The following WSCD1 variants were observed in gnomAD, a reference collection of about 807,000 sequenced individuals.
WSCD1 encodes the protein sialate:O-sulfotransferase 1.
A neutral mutation model predicts 60.4 loss-of-function variants in WSCD1; 41 were observed. The observed-to-expected ratio is 0.68, with a 90% confidence interval of 0.53 to 0.88. The LOEUF (loss-of-function observed/expected upper bound fraction) is 0.88. WSCD1 is among the 40% of genes least tolerant of loss of function. The pLI is 0.00. For missense variants in WSCD1, 784 were observed against 796.2 expected, an observed-to-expected ratio of 0.98 and a Z score of 0.18; for synonymous variants, 361 against 332.5, an observed-to-expected ratio of 1.09 and a Z score of -0.93.
Position 6,109,721 on chromosome 17 carries a change from C to T in WSCD1, c.964C>T (p.Gln322Ter). Residue 322 changes from glutamine to a stop codon, truncating the protein, a stop_gained, in exon 6 of 9, where the codon CAG becomes TAG. Transcript: ENST00000317744. LOFTEE classifies it high-confidence loss of function. Reference sequence around the variant, plus strand: ...AGTATGTGGCCAGGACCCTGAGGCACAGAGGCTGGCAGAATACTGTGAGGT... The same window carrying T: ...AGTATGTGGCCAGGACCCTGAGGCATAGAGGCTGGCAGAATACTGTGAGGT... ...SSVCGQDPEA[Q>*]RLAEYCEVYQ... 1 of 1,614,142 alleles carries T rather than the reference C, an allele frequency of 6.2e-7. No homozygotes were observed. The highest frequency in any genetic ancestry group is 8.5e-7 in the Non-Finnish European group (1 of 1,180,010).
rs2150576322 is a variant in WSCD1, at chr17:6,122,942, T to A, written c.*2281T>A. ...GCACTTGGCAGGTACTCCTGGATGT[T>A]GATGAGCAAGGAAGAGCAACGGCCC... is the stretch of plus-strand genomic sequence containing the variant. On this transcript the variant is annotated 3_prime_UTR_variant, in exon 9 of 9. Transcript: ENST00000317744. 6.6e-6 allele frequency: 1 copy of A among 152,330 alleles called. No individual in the cohort carries two copies. The highest frequency in any genetic ancestry group is 1.5e-5 in the Non-Finnish European group (1 of 68,070). 9.4% of individuals were successfully genotyped at this position (152,330 alleles called of 1,614,324 possible).
At chr17:6,070,181 A>G (rs1908437465), upstream of WSCD1, among the ~76,000 whole-genome samples, 1 of 142,742 alleles carries the variant, frequency 7.0e-6, no homozygotes, top group Admixed American at 7.0e-5. Flanking sequence ...TGTGTGTATC[A>G]GAGTGGGTGG....
At chr17:6,069,774 GGTGTGTGT>G (rs746125445), upstream of WSCD1, among the ~76,000 whole-genome samples, 61 of 106,584 alleles carry the variant, frequency 5.7e-4, no homozygotes, top group African/African-American at 1.7e-3. Flanking sequence ...ACGGTGATCC[GGTGTGTGT>G]GTGTGTGTGT....
intron 2 of WSCD1, 119 bp from the exon 3 acceptor site, chr17:6,087,871 T>A: frequency 1.4e-6 from 1 of 724,418 alleles, no homozygotes; most frequent in Non-Finnish European, 2.3e-6. Flanking sequence ...GCAGCACTCA[T>A]CTCCCGGGTT....
chr17:6,071,610 T>G (rs143820045), intron 1 of WSCD1, among the ~76,000 whole-genome samples: 1,860 of 152,350 alleles, frequency 0.012, 34 homozygotes, highest in African/African-American at 0.041. Context: ...ATGGAGGCAC[T>G]TGGTTTATCC....
chr17:6,084,009 T>C (rs1297181799), intron 2 of WSCD1, among the ~76,000 whole-genome samples: 2 of 152,104 alleles, frequency 1.3e-5, no homozygotes, highest in Non-Finnish European at 2.9e-5. Flanking sequence ...ACTATGGTCT[T>C]ATCAGTTGTT....
Position 6,121,058 on chromosome 17 carries a change from C to T in WSCD1, c.*397C>T, listed in dbSNP as rs1904667007. Reference sequence around the variant, plus strand: ...TGGCTGTCTCTCTCACACAGATACACGTGCGCTCCCTGGGATCCGGGAGGC... The same window carrying T: ...TGGCTGTCTCTCTCACACAGATACATGTGCGCTCCCTGGGATCCGGGAGGC... On this transcript the variant is annotated 3_prime_UTR_variant, in exon 9 of 9. Coordinates refer to ENST00000317744, the MANE Select transcript of WSCD1 (RefSeq NM_015253.2). The T allele has an allele frequency of 9.5e-6, 2 of 210,408 alleles. No individual in the cohort carries two copies. Among genetic ancestry groups the T allele is most frequent in the South Asian group, 2.0e-4 (2 of 10,198 alleles). 13.0% of individuals were successfully genotyped at this position (210,408 alleles called of 1,614,324 possible).
chr17:6,111,700 C>CAA (rs111930086), intron 7 of WSCD1, among the ~76,000 whole-genome samples: 140 of 41,042 alleles, frequency 3.4e-3, no homozygotes, highest in African/African-American at 0.01. Context: ...CACTCCGTCT[C>CAA]AAAAAAAAAA....
At position 6,120,974 on chromosome 17, in the gene WSCD1, A is replaced by C; in HGVS notation, c.*313A>C. Reference sequence around the variant, plus strand: ...GTGTGCCAGGCACCCCCAGATACAAATGCAGCCACGCACAGACGTAACACA... The same window carrying C: ...GTGTGCCAGGCACCCCCAGATACAACTGCAGCCACGCACAGACGTAACACA... On this transcript the variant is annotated 3_prime_UTR_variant, in exon 9 of 9. Coordinates refer to ENST00000317744, the MANE Select transcript of WSCD1 (RefSeq NM_015253.2). The C allele has an allele frequency of 2.6e-4, 97 of 371,402 alleles. No individual in the cohort carries two copies. Among genetic ancestry groups the C allele is most frequent in the Middle Eastern group, 7.8e-4 (1 of 1,286 alleles). 23.0% of individuals were successfully genotyped at this position (371,402 alleles called of 1,614,324 possible).
At chr17:6,094,680 GGGAA>G (rs901036031) in intron 4 of WSCD1, among the ~76,000 whole-genome samples, 29 of 146,574 alleles carry the variant, frequency 2.0e-4, no homozygotes, top group East Asian at 6.1e-4. Context: ...AAGCAAGAGA[GGGAA>G]GGAAGGAAGG....
chr17:6,103,649 A>G (rs1197766699), intron 5 of WSCD1, among the ~76,000 whole-genome samples: 1 of 152,180 alleles, frequency 6.6e-6, no homozygotes, highest in Non-Finnish European at 1.5e-5. Context: ...TCATATGCAT[A>G]GAGTGGATAT....
rs995079844 is a variant in WSCD1 at position 6,101,125 on chromosome 17, G to T, written c.849+5902G>T. Among the ~76,000 whole-genome samples the T allele has an allele frequency of 6.6e-6, 1 of 152,136 alleles. No homozygotes were observed. The highest frequency in any genetic ancestry group is 2.4e-5 in the African/African-American group (1 of 41,432). Reference sequence around the variant, plus strand: ...TTGCCTGCTCTGAAGTGCCAAGCACGTCCTCTCTGGAAAGGCCAGTGGTGT... The same window carrying T: ...TTGCCTGCTCTGAAGTGCCAAGCACTTCCTCTCTGGAAAGGCCAGTGGTGT... On this transcript the variant is annotated intron_variant, in intron 5 of 8. Transcript: ENST00000317744. The surrounding 1 kb of genome is among the most constrained non-coding windows in gnomAD (Gnocchi z 4.1).
At position 6,110,637 on chromosome 17, in the gene WSCD1, C is replaced by T; in HGVS notation, c.1010-134C>T. 2 of 1,208,718 alleles carry T rather than the reference C, an allele frequency of 1.7e-6. No homozygotes were observed. Among genetic ancestry groups the T allele is most frequent in the Non-Finnish European group, 2.3e-6 (2 of 859,452 alleles). The allele number at this position is 1,208,718 out of a possible 1,614,324, so 74.9% of individuals were successfully genotyped here. On this transcript the variant is annotated intron_variant, in intron 6 of 8. Coordinates refer to ENST00000317744, the MANE Select transcript of WSCD1 (RefSeq NM_015253.2). This position sits in a 1 kb window ranked among gnomAD's most constrained non-coding sequence, Gnocchi z 4.8. ...CTAAGGTATATTTGGAAGATCTCTT[C>T]CCTTCTTTGGGCCTTGGTTCCCCCA...
intron 7 of WSCD1, among the ~76,000 whole-genome samples, chr17:6,114,523 AATG>A (rs1287537344): frequency 1.3e-5 from 2 of 152,166 alleles, no homozygotes; most frequent in African/African-American, 4.8e-5. Flanking sequence ...AGCTCAAAGA[AATG>A]ATAAATGTTT....
chr17:6,120,993 T>C lies in WSCD1; in HGVS notation c.*332T>C. On this transcript the variant is annotated 3_prime_UTR_variant, in exon 9 of 9. Coordinates refer to ENST00000317744, the MANE Select transcript of WSCD1 (RefSeq NM_015253.2). ...ATACAAATGCAGCCACGCACAGACGTAACACACAGGTGCCAGGCCGTGTGC... is the reference window on the plus strand; with the variant it reads ...ATACAAATGCAGCCACGCACAGACGCAACACACAGGTGCCAGGCCGTGTGC... 1 of 326,544 alleles carries C rather than the reference T, an allele frequency of 3.1e-6. No homozygotes were observed. The highest frequency in any genetic ancestry group is 4.3e-5 in the South Asian group (1 of 23,256). The allele number at this position is 326,544 out of a possible 1,614,324, so 20.2% of individuals were successfully genotyped here. A position where few individuals can be genotyped will look rare whatever the true frequency, so the allele number is the denominator to read the frequency against.
Position 6,118,605 on chromosome 17 carries a change from A to G in WSCD1, c.1375+417A>G, listed in dbSNP as rs1904450486. ...GTGTTCAGCACCAGGTTCCTCTTTTATAGAATGAGACCTGCACCTTGTGGG... is the reference window on the plus strand; with the variant it reads ...GTGTTCAGCACCAGGTTCCTCTTTTGTAGAATGAGACCTGCACCTTGTGGG... On this transcript the variant is annotated intron_variant, in intron 8 of 8. Coordinates refer to ENST00000317744, the MANE Select transcript of WSCD1 (RefSeq NM_015253.2). The surrounding 1 kb of genome is among the most constrained non-coding windows in gnomAD (Gnocchi z 5.8). Among the ~76,000 whole-genome samples, 1 of 152,108 alleles carries G rather than the reference A, an allele frequency of 6.6e-6. No homozygotes were observed. The highest frequency in any genetic ancestry group is 6.5e-5 in the Admixed American group (1 of 15,282).
intron 5 of WSCD1, among the ~76,000 whole-genome samples, chr17:6,103,736 G>A (rs1910936098): frequency 6.6e-6 from 1 of 152,194 alleles, no homozygotes; most frequent in African/African-American, 2.4e-5. Context: ...GTGGAGAAAA[G>A]TGAATGCTGT....
rs192357844 is a variant in WSCD1 at position 6,106,146 on chromosome 17, C to T, written c.850-3461C>T. Among the ~76,000 whole-genome samples the T allele has an allele frequency of 4.4e-4, 67 of 152,316 alleles. 1 individual carries two copies. The highest frequency in any genetic ancestry group is 1.6e-3 in the African/African-American group (65 of 41,562). On this transcript the variant is annotated intron_variant, in intron 5 of 8. Coordinates refer to ENST00000317744, the MANE Select transcript of WSCD1 (RefSeq NM_015253.2). Reference sequence around the variant, plus strand: ...CAAAGCACACAAAAAACACAACAACCCTGCTTATGTTCTTGTGGAAAGAGG... The same window carrying T: ...CAAAGCACACAAAAAACACAACAACTCTGCTTATGTTCTTGTGGAAAGAGG...
chr17:6,073,065 AG>A (rs1279125314), intron 1 of WSCD1, among the ~76,000 whole-genome samples: 2 of 152,084 alleles, frequency 1.3e-5, no homozygotes, highest in Non-Finnish European at 2.9e-5. Context: ...CCTTGACATG[AG>A]GGGGTCGAGA....
Sources: allele counts gnomAD v4.1 joint callset (sites outside exome capture counted in the v4.1 genomes callset), GRCh38; gene constraint gnomAD v4.1.1; non-coding constraint Gnocchi (gnomAD v3.1); transcripts MANE v1.5; gene names NCBI Gene and HGNC (gene_info 2026-07-23, HGNC 2026-07-21).